WDFY1: variants seen among roughly 807,000 people sequenced by gnomAD.
The protein encoded by WDFY1 is WD repeat and FYVE domain-containing protein 1.
A neutral mutation model predicts 56.4 loss-of-function variants in WDFY1; 32 were observed. The observed-to-expected ratio is 0.57, with a 90% CI of 0.43 to 0.76. WDFY1 has a LOEUF of 0.76. Ranked by LOEUF, WDFY1 falls within the 30% of genes least tolerant of loss-of-function variation. WDFY1 has a pLI of 0.00. For missense variants in WDFY1, 480 were observed against 545.7 expected (o/e 0.88, Z 1.20); for synonymous variants, 192 against 197.3 (o/e 0.97, Z 0.23).
At chr2:223,897,375 TATATATATATATATA>T (rs1693404853) in intron 6 of WDFY1, among the ~76,000 whole-genome samples, 3 of 19,278 alleles carry the variant, frequency 1.6e-4, no homozygotes, top group Non-Finnish European at 2.0e-4. Flanking sequence ...TATATATATA[TATATATATATATATA>T]TTTTTTAAGA....
At chr2:223,944,541 T>C (rs1382143617) in intron 1 of WDFY1, among the ~76,000 whole-genome samples, 1 of 132,488 alleles carries the variant, frequency 7.5e-6, no homozygotes, top group Non-Finnish European at 1.6e-5. Context: ...GAGACAGAGG[T>C]CCTGGGCTGG....
In WDFY1 at chr2:223,884,628, A is replaced by C; in HGVS notation, c.933+20T>G. 6.2e-7 allele frequency: 1 copy of C among 1,609,898 alleles called. No homozygotes were observed. The highest frequency in any genetic ancestry group is 8.5e-7 in the Non-Finnish European group (1 of 1,176,288). On this transcript the variant is annotated intron_variant, in intron 9 of 11. Transcript: ENST00000233055. The stretch of plus-strand genomic sequence containing the variant: ...GAAATACACAATCAAGCCAGAGATG[A>C]CTCGACAGTGGCTACTCACTTGTCT...
At chr2:223,894,179 A>C in intron 8 of WDFY1, 55 bp downstream of exon 8, 8 of 1,584,752 alleles carry the variant, frequency 5.0e-6, no homozygotes, top group African/African-American at 2.7e-5. Flanking sequence ...GCCAAGAAGA[A>C]GCCAGGTTCC....
chr2:223,934,237 C>A (rs1694131941), intron 1 of WDFY1, among the ~76,000 whole-genome samples: 1 of 151,782 alleles, frequency 6.6e-6, no homozygotes, highest in South Asian at 2.1e-4. Context: ...TACAGGCGCA[C>A]AACACCTCAC....
chr2:223,935,479 G>A (rs1359215737), intron 1 of WDFY1, among the ~76,000 whole-genome samples: 3 of 152,236 alleles, frequency 2.0e-5, no homozygotes, highest in Admixed American at 2.0e-4. Flanking sequence ...GATTTGCTGA[G>A]CATACTTTGT....
At chr2:223,891,421 G>A (rs1399017248) in intron 8 of WDFY1, among the ~76,000 whole-genome samples, 1 of 119,364 alleles carries the variant, frequency 8.4e-6, no homozygotes, top group Non-Finnish European at 1.7e-5. Flanking sequence ...GGCAGGGTCA[G>A]AACCTTATAG....
At chr2:223,918,155 A>G (rs548074936) in intron 1 of WDFY1, 145 bp from the exon 2 acceptor site, 2 of 666,398 alleles carry the variant, frequency 3.0e-6, no homozygotes, top group East Asian at 2.8e-5. Context: ...ACAAATATAT[A>G]CATACATGTA....
intron 3 of WDFY1, among the ~76,000 whole-genome samples, chr2:223,910,716 C>A (rs989980115): frequency 3.9e-5 from 6 of 152,040 alleles, no homozygotes; most frequent in Non-Finnish European, 8.8e-5. Context: ...TTCACACCCC[C>A]CAGGATGACC....
chr2:223,912,609 G>C (rs188047637), intron 2 of WDFY1, among the ~76,000 whole-genome samples: 1 of 152,260 alleles, frequency 6.6e-6, no homozygotes, highest in East Asian at 1.9e-4. Flanking sequence ...CTGTAGTCTG[G>C]CAAGCCTTGG....
At chr2:223,923,330 T>C (rs1004055147) in intron 1 of WDFY1, among the ~76,000 whole-genome samples, 10 of 152,330 alleles carry the variant, frequency 6.6e-5, no homozygotes, top group Admixed American at 1.3e-4. Flanking sequence ...GTTGTAAAAA[T>C]AGTTTTAAGT....
chr2:223,903,621 A>G (rs1384912363), intron 4 of WDFY1, among the ~76,000 whole-genome samples: 1 of 145,890 alleles, frequency 6.9e-6, no homozygotes, highest in African/African-American at 2.6e-5. Flanking sequence ...ATGAAAGATG[A>G]AAAATACACA....
intron 2 of WDFY1, among the ~76,000 whole-genome samples, chr2:223,916,436 T>C (rs1693789738): frequency 1.3e-5 from 2 of 152,208 alleles, no homozygotes; most frequent in African/African-American, 4.8e-5. Flanking sequence ...CAGCAGCATC[T>C]GCAACCACTG....
At chr2:223,936,742 G>A (rs1003174380) in intron 1 of WDFY1, among the ~76,000 whole-genome samples, 1 of 152,092 alleles carries the variant, frequency 6.6e-6, no homozygotes, top group African/African-American at 2.4e-5. Flanking sequence ...TAAAATATGT[G>A]GTTTATGTTG....
intron 2 of WDFY1, among the ~76,000 whole-genome samples, chr2:223,913,636 G>A (rs1276781421): frequency 6.6e-6 from 1 of 152,076 alleles, no homozygotes; most frequent in East Asian, 1.9e-4. Context: ...ATGCTTTGAT[G>A]CGTTCAGAGA....
intron 1 of WDFY1, among the ~76,000 whole-genome samples, chr2:223,933,961 C>CAAA (rs368902455): frequency 0.02 from 1,024 of 51,012 alleles, 150 homozygotes; most frequent in African/African-American, 0.074. Context: ...GACCCTGCCT[C>CAAA]AAAAAAAAAA....
chr2:223,879,904 A>G (rs1693036830), intron 11 of WDFY1, among the ~76,000 whole-genome samples: 1 of 152,112 alleles, frequency 6.6e-6, no homozygotes, highest in African/African-American at 2.4e-5. Context: ...TGCCAGACTC[A>G]CTCTGCCAGA....
Position 223,901,272 on chromosome 2 carries a change from G to T in WDFY1, c.396C>A (p.Thr132=), listed in dbSNP as rs142954829. 6.2e-7 allele frequency: 1 copy of T among 1,613,966 alleles called. No homozygotes were observed. Among genetic ancestry groups the T allele is most frequent in the African/African-American group, 1.3e-5 (1 of 74,882 alleles). ...TCCAGCTCACACACTTGTCGTGGCC[G>T]GTACTGATCACCCACTCTGTGGCCA... is the stretch of plus-strand genomic sequence containing the variant. ...FSLATEWVIS[T]GHDKCVSWMC... Residue 132 remains threonine, a synonymous_variant, in exon 5 of 12, where the codon ACC becomes ACA. Coordinates refer to ENST00000233055, the MANE Select transcript of WDFY1 (RefSeq NM_020830.5).
intron 1 of WDFY1, among the ~76,000 whole-genome samples, chr2:223,928,281 A>G (rs951065889): frequency 8.5e-5 from 13 of 152,336 alleles, no homozygotes; most frequent in Middle Eastern, 3.4e-3. Flanking sequence ...GTATCTGAGA[A>G]GCACAATAAA....
At chr2:223,928,466 G>T (rs1274694821) in intron 1 of WDFY1, among the ~76,000 whole-genome samples, 3 of 152,144 alleles carry the variant, frequency 2.0e-5, no homozygotes, top group African/African-American at 7.2e-5. Flanking sequence ...AAAAGATACG[G>T]AGGCTGAGTT....
Sources: allele counts gnomAD v4.1 joint callset (sites outside exome capture counted in the v4.1 genomes callset), GRCh38; gene constraint gnomAD v4.1.1; transcripts MANE v1.5; gene names NCBI Gene and HGNC (gene_info 2026-07-23, HGNC 2026-07-21).